BCKDHA: variants seen among roughly 807,000 people sequenced by gnomAD.
BCKDHA encodes branched chain keto acid dehydrogenase E1 subunit alpha.
Under a neutral mutation model 52.2 loss-of-function variants are expected in BCKDHA, and 43 were observed. That is an observed-to-expected ratio of 0.82 (90% CI 0.64 to 1.06). The LOEUF (loss-of-function observed/expected upper bound fraction) is 1.06. BCKDHA is among the 50% of genes least tolerant of loss of function. The pLI, the probability that BCKDHA is intolerant of heterozygous loss-of-function variation, is 0.00. For synonymous variants in BCKDHA, 234 were observed against 247.9 expected, an observed-to-expected ratio of 0.94 and a Z score of 0.53; for missense variants, 527 against 621.3, an observed-to-expected ratio of 0.85 and a Z score of 1.61.
intron 5 of BCKDHA, among the ~76,000 whole-genome samples, chr19:41,421,308 G>A (rs757275022): frequency 2.6e-5 from 4 of 152,092 alleles, no homozygotes; most frequent in Non-Finnish European, 4.4e-5. Context: ...TGGGGGAGAC[G>A]GACAGTAACA....
At chr19:41,400,613 G>A (rs1421005327) in intron 1 of BCKDHA, among the ~76,000 whole-genome samples, 3 of 152,088 alleles carry the variant, frequency 2.0e-5, no homozygotes. Context: ...TGAACTCCTG[G>A]ACTCAAGCGA....
At chr19:41,397,975 T>TA (rs2039094789) in intron 1 of BCKDHA, 40 bp downstream of exon 1, 2 of 1,554,786 alleles carry the variant, frequency 1.3e-6, no homozygotes, top group East Asian at 4.5e-5. Context: ...CAAAGGGGAT[T>TA]AGGGATGTAA....
chr19:41,400,926 C>T (rs531525592), intron 1 of BCKDHA, among the ~76,000 whole-genome samples: 465 of 151,120 alleles, frequency 3.1e-3, no homozygotes, highest in Non-Finnish European at 5.3e-3. Context: ...GCAGAAGAAT[C>T]GCTTGAACCT....
At chr19:41,405,609 G>C (rs1048722436) in intron 1 of BCKDHA, among the ~76,000 whole-genome samples, 3 of 152,216 alleles carry the variant, frequency 2.0e-5, no homozygotes, top group Non-Finnish European at 4.4e-5. Flanking sequence ...TATTTTTGTA[G>C]AGACGAGGTC....
chr19:41,409,705 C>T (rs2039230743), intron 1 of BCKDHA, among the ~76,000 whole-genome samples: 2 of 151,922 alleles, frequency 1.3e-5, no homozygotes, highest in South Asian at 4.1e-4. Flanking sequence ...CTTGTTTAAG[C>T]CTCTCATTTC....
At position 41,424,744 on chromosome 19, in the gene BCKDHA, G is replaced by A; in HGVS notation, c.*136G>A. 1 of 1,006,998 alleles carries A rather than the reference G, an allele frequency of 9.9e-7. No homozygotes were observed. 62.4% of individuals were successfully genotyped at this position (1,006,998 alleles called of 1,614,324 possible). A position where few individuals can be genotyped will look rare whatever the true frequency, so the allele number is the denominator to read the frequency against. On this transcript the variant is annotated 3_prime_UTR_variant, in exon 9 of 9. Coordinates refer to ENST00000269980, the MANE Select transcript of BCKDHA (RefSeq NM_000709.4). ...TCTAAAATACTCAGCGGCCAGGGCGGCTGCCACTCTTCACCCCTGCTCCTC... is the reference window on the plus strand; with the variant it reads ...TCTAAAATACTCAGCGGCCAGGGCGACTGCCACTCTTCACCCCTGCTCCTC...
intron 4 of BCKDHA, 39 bp from the exon 5 acceptor site, chr19:41,419,096 A>G (rs2039336369): frequency 6.2e-7 from 1 of 1,612,550 alleles, no homozygotes; most frequent in South Asian, 1.1e-5. Context: ...GTCCCCCTGT[A>G]CTGCCCACTC....
intron 4 of BCKDHA, among the ~76,000 whole-genome samples, chr19:41,414,638 C>A (rs974394934): frequency 6.6e-6 from 1 of 152,058 alleles, no homozygotes; most frequent in African/African-American, 2.4e-5. Context: ...GACCTGAGTG[C>A]GGTGCAAGAT....
At chr19:41,411,209 TA>T (rs961621098) in intron 3 of BCKDHA, among the ~76,000 whole-genome samples, 200 bp downstream of exon 3, 2 of 152,104 alleles carry the variant, frequency 1.3e-5, no homozygotes, top group African/African-American at 4.8e-5. Context: ...ACCTGATCAC[TA>T]AAAAACACCT....
chr19:41,419,303 A>T lies in BCKDHA; in HGVS notation c.646+7A>T, dbSNP rs755828892. 1 of 1,611,274 alleles carries T rather than the reference A, an allele frequency of 6.2e-7. No individual in the cohort carries two copies. The highest frequency in any genetic ancestry group is 1.1e-5 in the South Asian group (1 of 90,598). The stretch of plus-strand genomic sequence containing the variant: ...GCCACGCAGATCCCTCAGGGTGAGG[A>T]TGCATGCCCTGTACCTTGCACATGT... On this transcript the variant is annotated splice_region_variant and intron_variant, in intron 5 of 8. Transcript: ENST00000269980.
rs543839437 is a variant in BCKDHA, at chr19:41,422,951, C to A, written c.996-47C>A. The A allele has an allele frequency of 5.3e-6, 8 of 1,523,024 alleles. No individual in the cohort carries two copies. The South Asian group carries it at 9.2e-5, about 18-fold the overall frequency. The allele number at this position is 1,523,024 out of a possible 1,614,324, so 94.3% of individuals were successfully genotyped here. A position where few individuals can be genotyped will look rare whatever the true frequency, so the allele number is the denominator to read the frequency against. ...ATCCCCCATCCTCCCTCCTGACCCC[C>A]ACTCCAGGGAGCCCACACTGACCTG... On this transcript the variant is annotated intron_variant, in intron 7 of 8. Transcript: ENST00000269980.
chr19:41,408,423 A>G (rs1225588145), intron 1 of BCKDHA, among the ~76,000 whole-genome samples: 1 of 152,204 alleles, frequency 6.6e-6, no homozygotes, highest in Non-Finnish European at 1.5e-5. Context: ...GGCTTACAGC[A>G]GGTGCTTCAT....
At chr19:41,404,325 T>C (rs1456747829) in intron 1 of BCKDHA, among the ~76,000 whole-genome samples, 1 of 152,078 alleles carries the variant, frequency 6.6e-6, no homozygotes, top group African/African-American at 2.4e-5. Context: ...AGTCTTGCTC[T>C]GTCACCCAGG....
At chr19:41,415,437 C>T (rs1178470091) in intron 4 of BCKDHA, 1 of 152,232 alleles carries the variant, frequency 6.6e-6, no homozygotes, top group African/African-American at 2.4e-5. Flanking sequence ...CACTGAGGGT[C>T]AGCAGAAGTG....
chr19:41,422,792 A>C lies in BCKDHA; in HGVS notation c.995+22A>C, dbSNP rs1490910099. 3.1e-6 allele frequency: 5 copies of C among 1,612,398 alleles called. No homozygotes were observed. The African/African-American group carries it at 6.7e-5, about 22-fold the overall frequency. ...ACAGGTGCCTGCCGCTCCCCCCGTCAGCACCCCCACAGCACTGACAGCCAC... is the reference window on the plus strand; with the variant it reads ...ACAGGTGCCTGCCGCTCCCCCCGTCCGCACCCCCACAGCACTGACAGCCAC... On this transcript the variant is annotated intron_variant, in intron 7 of 8. Coordinates refer to ENST00000269980, the MANE Select transcript of BCKDHA (RefSeq NM_000709.4).
intron 1 of BCKDHA, 89 bp from the exon 2 acceptor site, chr19:41,410,548 C>A: frequency 1.4e-6 from 2 of 1,470,724 alleles, no homozygotes; most frequent in Non-Finnish European, 1.9e-6. Context: ...TGCTCAACCA[C>A]CATGCCGCCT....
chr19:41,405,612 A>G (rs2123245073), intron 1 of BCKDHA, among the ~76,000 whole-genome samples: 1 of 152,212 alleles, frequency 6.6e-6, no homozygotes, highest in East Asian at 1.9e-4. Flanking sequence ...TTTTGTAGAG[A>G]CGAGGTCTCA....
chr19:41,410,045 C>G (rs1003134945), intron 1 of BCKDHA, among the ~76,000 whole-genome samples: 1 of 152,170 alleles, frequency 6.6e-6, no homozygotes, highest in Non-Finnish European at 1.5e-5. Flanking sequence ...AAGTGAGATT[C>G]GCCTGCCTCT....
intron 1 of BCKDHA, among the ~76,000 whole-genome samples, chr19:41,404,029 G>A (rs943758502): frequency 6.6e-6 from 1 of 152,252 alleles, no homozygotes; most frequent in South Asian, 2.1e-4. Context: ...ACCCAGGCTG[G>A]AGTGCAGTGG....
Sources: gnomAD v4.1 joint callset for allele counts (sites outside exome capture counted in the v4.1 genomes callset) on GRCh38, gnomAD v4.1.1 for gene constraint, MANE v1.5 for transcripts, NCBI Gene and HGNC (gene_info 2026-07-23, HGNC 2026-07-21) for gene names.